The following SLC2A2 variants were observed in gnomAD, a reference collection of about 807,000 sequenced individuals.
SLC2A2 encodes the protein solute carrier family 2, facilitated glucose transporter member 2.
Under a neutral mutation model 54.5 loss-of-function variants are expected in SLC2A2, and 36 were observed. That is an observed-to-expected ratio of 0.66 (90% CI 0.51 to 0.87). The LOEUF is 0.87. SLC2A2 is among the 40% of genes least tolerant of loss of function. SLC2A2 has a pLI of 0.00. For missense variants in SLC2A2, 543 were observed against 624.3 expected, an observed-to-expected ratio of 0.87 and a Z score of 1.39; for synonymous variants, 223 against 219.1, an observed-to-expected ratio of 1.02 and a Z score of -0.16.
chr3:171,018,933 AC>A (rs1391974010), intron 1 of SLC2A2, among the ~76,000 whole-genome samples: 4 of 151,876 alleles, frequency 2.6e-5, no homozygotes, highest in Non-Finnish European at 5.9e-5. Flanking sequence ...TTCACCGGAT[AC>A]CAGAATAGGG....
chr3:171,006,581 G>A (rs1442972957), intron 5 of SLC2A2, among the ~76,000 whole-genome samples: 2 of 151,970 alleles, frequency 1.3e-5, no homozygotes, highest in African/African-American at 2.4e-5. Context: ...AACAATTACT[G>A]TGATGAGAAC....
At chr3:171,000,934 TTAATA>T (rs1472987920) in intron 8 of SLC2A2, among the ~76,000 whole-genome samples, 3 of 152,034 alleles carry the variant, frequency 2.0e-5, no homozygotes, top group Non-Finnish European at 4.4e-5. Context: ...GTTTCAAAAA[TTAATA>T]TAATTAAAAA....
Position 171,014,536 on chromosome 3 carries a change from A to G in SLC2A2, c.304T>C (p.Ser102Pro). ...GTCATTCCACCAACTGCAAAGCTGGATACAGACAGGGACCAGAGCATGGTG... is the reference window on the plus strand; with the variant it reads ...GTCATTCCACCAACTGCAAAGCTGGGTACAGACAGGGACCAGAGCATGGTG... Reference protein sequence around the residue: ...LITMLWSLSVSSFAVGGMTAS... With the variant: ...LITMLWSLSVPSFAVGGMTAS... The change falls in exon 3 of 11, where the codon TCC becomes CCC. Residue 102 changes from serine (S) to proline (P), a missense_variant. Around this residue, in one of 3 missense-constraint regions of SLC2A2, gnomAD observed 318 missense variants for 343.8 expected, o/e 0.93. Coordinates refer to ENST00000314251, the MANE Select transcript of SLC2A2 (RefSeq NM_000340.2). 1.9e-6 allele frequency: 3 copies of G among 1,614,166 alleles called. No homozygotes were observed. Among genetic ancestry groups the G allele is most frequent in the Non-Finnish European group, 2.5e-6 (3 of 1,180,002 alleles).
At chr3:171,026,431 A>T (rs1716705485) in intron 1 of SLC2A2, among the ~76,000 whole-genome samples, 1 of 145,232 alleles carries the variant, frequency 6.9e-6, no homozygotes, top group Non-Finnish European at 1.5e-5. Context: ...GGTTATGCAC[A>T]ATTACTTGAA....
intron 1 of SLC2A2, among the ~76,000 whole-genome samples, chr3:171,021,017 T>A (rs1310252972): frequency 6.6e-6 from 1 of 151,994 alleles, no homozygotes; most frequent in African/African-American, 2.4e-5. Flanking sequence ...ATATATATTA[T>A]ACATAAAATG....
intron 2 of SLC2A2, among the ~76,000 whole-genome samples, 185 bp downstream of exon 2, chr3:171,018,346 C>A (rs191820650): frequency 6.6e-6 from 1 of 151,610 alleles, no homozygotes; most frequent in Non-Finnish European, 1.5e-5. Context: ...TTTTTTCCCC[C>A]GTGATTGTTA....
At chr3:171,007,487 A>G (rs1715669127) in intron 4 of SLC2A2, 1 of 546,140 alleles carries the variant, frequency 1.8e-6, no homozygotes, top group Admixed American at 3.0e-5. Context: ...ATGCTTAGTC[A>G]TGTATTTGAC....
At chr3:171,022,425 C>G (rs1236328460) in intron 1 of SLC2A2, among the ~76,000 whole-genome samples, 1 of 152,216 alleles carries the variant, frequency 6.6e-6, no homozygotes, top group African/African-American at 2.4e-5. Context: ...TTCCCACCAC[C>G]TACCACACAA....
Position 170,996,643 on chromosome 3 carries a change from T to C in SLC2A2, c.*1260A>G, listed in dbSNP as rs573454591. On this transcript the variant is annotated 3_prime_UTR_variant, in exon 11 of 11. Coordinates refer to ENST00000314251, the MANE Select transcript of SLC2A2 (RefSeq NM_000340.2). ...GTAAGCTAAAGTCTGTTTAATCATCTGTGTATTTCCAATTTGCCTATGTAG... is the reference window on the plus strand; with the variant it reads ...GTAAGCTAAAGTCTGTTTAATCATCCGTGTATTTCCAATTTGCCTATGTAG... 1.1e-4 allele frequency: 45 copies of C among 398,066 alleles called. No individual in the cohort carries two copies. The East Asian group carries it at 1.6e-3, about 14-fold the overall frequency. 24.7% of individuals were successfully genotyped at this position (398,066 alleles called of 1,614,324 possible). A position where few individuals can be genotyped will look rare whatever the true frequency, so the allele number is the denominator to read the frequency against.
intron 9 of SLC2A2, among the ~76,000 whole-genome samples, 168 bp from the exon 10 acceptor site, chr3:170,998,564 T>C (rs1434231422): frequency 6.6e-6 from 1 of 152,192 alleles, no homozygotes; most frequent in Non-Finnish European, 1.5e-5. Context: ...GTCTGAATCA[T>C]GCATAACTCT....
Position 171,014,710 on chromosome 3 carries a change from G to A in SLC2A2, c.130C>T (p.His44Tyr), listed in dbSNP as rs760618624. Reference sequence around the variant, plus strand: ...TCATCCAGTGGAACACCCAAAACATGTCTATAGTGAGATATTATTACCTAG... The same window carrying A: ...TCATCCAGTGGAACACCCAAAACATATCTATAGTGAGATATTATTACCTAG... ...PQQVIISHYRHVLGVPLDDRK... is the reference protein window; with the variant it reads ...PQQVIISHYRYVLGVPLDDRK... Residue 44 changes from histidine to tyrosine, a missense_variant, in exon 3 of 11, where the codon CAT (histidine) becomes TAT (tyrosine). By Grantham distance (83) the His-to-Tyr change is moderately conservative. This residue lies in a region of SLC2A2 where 318 missense variants were observed against 343.8 expected (regional missense o/e 0.93). Transcript: ENST00000314251. 7.4e-6 allele frequency: 12 copies of A among 1,612,580 alleles called. No homozygotes were observed. In the Admixed American group the frequency reaches 1.0e-4, roughly 13 times the overall value.
chr3:170,997,983 A>G lies in SLC2A2; in HGVS notation c.1495T>C (p.Phe499Leu), dbSNP rs762305192. Reference sequence around the variant, plus strand: ...TGGGCTGAGCCACTCTTCTTTTGGAATTCTGCAGCAATTTCCTCAAAAGAC... The same window carrying G: ...TGGGCTGAGCCACTCTTCTTTTGGAGTTCTGCAGCAATTTCCTCAAAAGAC... ...GKSFEEIAAE[F>L]QKKSGSAHRP... The change falls in exon 11 of 11, where the codon TTC becomes CTC. Residue 499 changes from phenylalanine (F) to leucine (L), a missense_variant. Physicochemically the swap from Phe to Leu is conservative, Grantham distance 22. This residue lies in a region of SLC2A2 where 108 missense variants were observed against 101.3 expected (regional missense o/e 1.07). Coordinates refer to ENST00000314251, the MANE Select transcript of SLC2A2 (RefSeq NM_000340.2). 3.1e-6 allele frequency: 5 copies of G among 1,613,626 alleles called. No homozygotes were observed. The African/African-American group carries it at 6.7e-5, about 22-fold the overall frequency.
chr3:170,998,014 T>C lies in SLC2A2; in HGVS notation c.1464A>G (p.Lys488=). The C allele has an allele frequency of 3.1e-6, 5 of 1,613,720 alleles. No individual in the cohort carries two copies. The highest frequency in any genetic ancestry group is 4.2e-6 in the Non-Finnish European group (5 of 1,179,806). ...CAGCAATTTCCTCAAAAGACTTTCC[T>C]TTGGTTTCTGGAACTTTAAAAAATG... The part of the protein sequence containing the change: ...LFTFFKVPET[K]GKSFEEIAAE... The change falls in exon 11 of 11, where the codon AAA becomes AAG. Residue 488 remains lysine (K), a synonymous_variant. Transcript: ENST00000314251.
At chr3:171,022,651 C>T (rs1716514527) in intron 1 of SLC2A2, among the ~76,000 whole-genome samples, 2 of 152,182 alleles carry the variant, frequency 1.3e-5, no homozygotes, top group Admixed American at 1.3e-4. Flanking sequence ...TGACTGTCAC[C>T]TCCTGCTTCA....
intron 1 of SLC2A2, among the ~76,000 whole-genome samples, chr3:171,023,837 T>C (rs1716571011): frequency 6.6e-6 from 1 of 152,202 alleles, no homozygotes; most frequent in African/African-American, 2.4e-5. Flanking sequence ...CCTCATAGGC[T>C]ATAAGGTGTT....
At position 170,998,068 on chromosome 3, in the gene SLC2A2, A is replaced by C; in HGVS notation, c.1410T>G (p.Ala470=). 1.9e-6 allele frequency: 3 copies of C among 1,613,692 alleles called. No individual in the cohort carries two copies. Among genetic ancestry groups the C allele is most frequent in the Non-Finnish European group, 1.7e-6 (2 of 1,179,798 alleles). ...ACAGGGTAAAGGCCAGGAGCACTCC[A>C]GCAAAGAGGAAAAACACATAAGGTC... ...FCGPYVFFLF[A]GVLLAFTLFT... is the part of the protein sequence containing the mutation. Residue 470 remains alanine, a synonymous_variant, in exon 11 of 11, where the codon GCT becomes GCG. Transcript: ENST00000314251.
chr3:170,999,864 G>A (rs952562616), intron 8 of SLC2A2, among the ~76,000 whole-genome samples: 4 of 152,076 alleles, frequency 2.6e-5, no homozygotes, highest in Admixed American at 1.3e-4. Context: ...GAGGAGATAC[G>A]TCATTGATTC....
chr3:171,018,028 A>T (rs1716233596), intron 2 of SLC2A2, among the ~76,000 whole-genome samples: 1 of 152,154 alleles, frequency 6.6e-6, no homozygotes, highest in African/African-American at 2.4e-5. Context: ...GGGCTTCTTA[A>T]GGTTTTAATG....
At position 170,996,814 on chromosome 3, in the gene SLC2A2, T is replaced by G; in HGVS notation, c.*1089A>C. 1 of 394,212 alleles carries G rather than the reference T, an allele frequency of 2.5e-6. No homozygotes were observed. The highest frequency in any genetic ancestry group is 4.5e-6 in the Non-Finnish European group (1 of 223,490). 24.4% of individuals were successfully genotyped at this position (394,212 alleles called of 1,614,324 possible). On this transcript the variant is annotated 3_prime_UTR_variant, in exon 11 of 11. Coordinates refer to ENST00000314251, the MANE Select transcript of SLC2A2 (RefSeq NM_000340.2). ...GGAACACACCATAAAACAATCAGTC[T>G]TTCCAGGAAAATTAAATAGGGATTT... is the stretch of plus-strand genomic sequence containing the variant.
Sources: allele counts gnomAD v4.1 joint callset (sites outside exome capture counted in the v4.1 genomes callset), GRCh38; gene constraint gnomAD v4.1.1; regional missense constraint gnomAD v4.1.1; transcripts MANE v1.5; gene names NCBI Gene and HGNC (gene_info 2026-07-23, HGNC 2026-07-21).